KIAA0825: variants seen among roughly 807,000 people sequenced by gnomAD.
The protein encoded by KIAA0825 is uncharacterized protein KIAA0825.
In KIAA0825, 119 loss-of-function variants were observed where a neutral mutation model predicts 147.6. That is an observed-to-expected ratio of 0.81 (90% CI 0.69 to 0.94). The LOEUF (loss-of-function observed/expected upper bound fraction) is 0.94, where lower values mean the gene tolerates loss of function less well. Among genes scored for constraint, KIAA0825 ranks in the 40% least tolerant of loss-of-function variants. The pLI is 0.00. For synonymous variants in KIAA0825, 470 were observed against 518.1 expected, an observed-to-expected ratio of 0.91 and a Z score of 1.26; for missense variants, 1,381 against 1,472.7, an observed-to-expected ratio of 0.94 and a Z score of 1.02.
intron 20 of KIAA0825, among the ~76,000 whole-genome samples, chr5:94,377,107 A>G (rs1747691174): frequency 6.6e-6 from 1 of 152,190 alleles, no homozygotes; most frequent in Admixed American, 6.5e-5. Context: ...AAACAACTCC[A>G]CAGATCAATG....
At chr5:94,332,227 C>CT (rs1372058235) in intron 20 of KIAA0825, among the ~76,000 whole-genome samples, 316 of 137,366 alleles carry the variant, frequency 2.3e-3, no homozygotes, top group Middle Eastern at 7.2e-3. Context: ...TCTTTTCTTT[C>CT]TTTTTTTTTT....
intron 14 of KIAA0825, among the ~76,000 whole-genome samples, chr5:94,431,339 A>G (rs1755637726): frequency 6.6e-6 from 1 of 152,246 alleles, no homozygotes; most frequent in South Asian, 2.1e-4. Flanking sequence ...ATATAAAATG[A>G]ACAGGCCTGC....
At chr5:94,248,977 T>G (rs1775789189) in intron 20 of KIAA0825, among the ~76,000 whole-genome samples, 1 of 152,078 alleles carries the variant, frequency 6.6e-6, no homozygotes, top group South Asian at 2.1e-4. Context: ...TCACACAGAT[T>G]TGGTGCTATA....
chr5:94,367,201 A>C (rs1745982069), intron 20 of KIAA0825, among the ~76,000 whole-genome samples: 1 of 152,168 alleles, frequency 6.6e-6, no homozygotes, highest in South Asian at 2.1e-4. Context: ...AGGAACCTCC[A>C]CTTTATTTTT....
intron 20 of KIAA0825, among the ~76,000 whole-genome samples, chr5:94,265,239 T>C (rs2150136349): frequency 6.6e-6 from 1 of 152,342 alleles, no homozygotes; most frequent in Middle Eastern, 3.4e-3. Flanking sequence ...TTTAGTTTAA[T>C]GTTATCATTG....
At chr5:94,555,470 T>A (rs1776368299) in intron 2 of KIAA0825, among the ~76,000 whole-genome samples, 1 of 152,176 alleles carries the variant, frequency 6.6e-6, no homozygotes, top group Non-Finnish European at 1.5e-5. Flanking sequence ...AGTACTCGTA[T>A]TAATATACTA....
intron 6 of KIAA0825, among the ~76,000 whole-genome samples, chr5:94,479,982 A>C (rs1762315815): frequency 6.6e-6 from 1 of 152,076 alleles, no homozygotes; most frequent in Non-Finnish European, 1.5e-5. Flanking sequence ...TTTGGATACA[A>C]GTTCTTTATC....
At chr5:94,546,861 T>A (rs1774504448) in intron 2 of KIAA0825, among the ~76,000 whole-genome samples, 1 of 137,656 alleles carries the variant, frequency 7.3e-6, no homozygotes, top group Admixed American at 7.3e-5. Context: ...CCTCACCCAA[T>A]GAACTAAATA....
In KIAA0825 at chr5:94,386,288, A is replaced by G. The variant is rs1402227272; in HGVS notation, c.3573T>C (p.Pro1191=). ...CACTAAACGCCTTATACACATGGAA[A>G]GGGTTAAAGGCAGAAGGCTGATCTT... is the stretch of plus-strand genomic sequence containing the variant. ...SIEDQPSAFN[P]FHVYKAFSEN... is the part of the protein sequence containing the mutation. The change falls in exon 19 of 21, where the codon CCT becomes CCC. Residue 1191 remains proline (P), a synonymous_variant. Coordinates refer to ENST00000682413, the MANE Select transcript of KIAA0825 (RefSeq NM_001145678.3). 6.4e-7 allele frequency: 1 copy of G among 1,551,372 alleles called. No homozygotes were observed. Among genetic ancestry groups the G allele is most frequent in the Non-Finnish European group, 8.7e-7 (1 of 1,146,768 alleles).
intron 1 of KIAA0825, among the ~76,000 whole-genome samples, chr5:94,585,545 T>G (rs1783100763): frequency 6.6e-6 from 1 of 152,082 alleles, no homozygotes; most frequent in Admixed American, 6.5e-5. Context: ...TAAAACTAGT[T>G]CTTAGAGACC....
intron 1 of KIAA0825, among the ~76,000 whole-genome samples, chr5:94,584,714 G>A (rs1362008754): frequency 3.3e-5 from 5 of 152,076 alleles, no homozygotes; most frequent in Non-Finnish European, 5.9e-5. Flanking sequence ...TCCTCGAGAA[G>A]AGCAACCCCA....
intron 5 of KIAA0825, among the ~76,000 whole-genome samples, chr5:94,510,918 A>G (rs1449573347): frequency 6.6e-6 from 1 of 152,218 alleles, no homozygotes; most frequent in Non-Finnish European, 1.5e-5. Context: ...TGTAAAAGAC[A>G]CAGATTTCCC....
chr5:94,289,578 T>C (rs1353092471), intron 20 of KIAA0825, among the ~76,000 whole-genome samples: 1 of 148,930 alleles, frequency 6.7e-6, no homozygotes, highest in Non-Finnish European at 1.5e-5. Flanking sequence ...TAAACCTACA[T>C]TTGGGAAAAA....
At chr5:94,432,788 A>T (rs1755857274) in intron 14 of KIAA0825, among the ~76,000 whole-genome samples, 1 of 152,122 alleles carries the variant, frequency 6.6e-6, no homozygotes, top group South Asian at 2.1e-4. Flanking sequence ...CACTTTGGGA[A>T]GCAAAGGTGG....
intron 20 of KIAA0825, among the ~76,000 whole-genome samples, chr5:94,320,940 C>A (rs181448560): frequency 6.6e-6 from 1 of 152,106 alleles, no homozygotes; most frequent in Admixed American, 6.6e-5. Flanking sequence ...TAAGTACTTT[C>A]TAGAATTATG....
At chr5:94,535,630 T>C (rs1167162699) in intron 3 of KIAA0825, among the ~76,000 whole-genome samples, 3 of 152,124 alleles carry the variant, frequency 2.0e-5, no homozygotes, top group Admixed American at 6.5e-5. Flanking sequence ...CAAGAATGTC[T>C]TTCTCAAGAA....
intron 20 of KIAA0825, 77 bp from the exon 21 acceptor site, chr5:94,154,201 T>C (rs761410453): frequency 1.1e-6 from 1 of 893,688 alleles, no homozygotes; most frequent in Non-Finnish European, 1.8e-6. Context: ...AAGTCTTGAA[T>C]ATGTAATCTT....
At chr5:94,577,816 T>C (rs1781356177) in intron 2 of KIAA0825, among the ~76,000 whole-genome samples, 1 of 152,236 alleles carries the variant, frequency 6.6e-6, no homozygotes, top group East Asian at 1.9e-4. Context: ...TTTATTTTTC[T>C]GTATTACTTA....
At chr5:94,459,397 G>A (rs10056833) in intron 12 of KIAA0825, among the ~76,000 whole-genome samples, 20,913 of 151,986 alleles carry the variant, frequency 0.14, 1,837 homozygotes, top group Non-Finnish European at 0.19. Context: ...CATATTCTAC[G>A]CTTAACATTT....
Sources: gnomAD v4.1 joint callset for allele counts (sites outside exome capture counted in the v4.1 genomes callset) on GRCh38, gnomAD v4.1.1 for gene constraint, MANE v1.5 for transcripts, NCBI Gene and HGNC (gene_info 2026-07-23, HGNC 2026-07-21) for gene names.